DNAH9: variants seen among roughly 807,000 people sequenced by gnomAD.
The protein encoded by DNAH9 is DNAH9 variant protein.
DNAH9 carries 345 observed loss-of-function variants against 471.6 expected under a neutral mutation model. The ratio of observed to expected loss-of-function variants is 0.73; its 90% CI spans 0.67 to 0.80. The LOEUF (loss-of-function observed/expected upper bound fraction) is 0.80. Ranked by LOEUF, DNAH9 falls within the 30% of genes least tolerant of loss-of-function variation. The pLI is 0.00. For missense variants in DNAH9, 5,407 were observed against 5,609.2 expected, an observed-to-expected ratio of 0.96 and a Z score of 1.15; for synonymous variants, 2,093 against 2,123.6, an observed-to-expected ratio of 0.99 and a Z score of 0.40.
At chr17:11,837,022 T>C (rs1204654783) in intron 49 of DNAH9, among the ~76,000 whole-genome samples, 4 of 152,174 alleles carry the variant, frequency 2.6e-5, no homozygotes, top group African/African-American at 9.6e-5. Context: ...CAAGGATTAG[T>C]GTATGAAAAG....
chr17:11,943,506 G>C (rs143802002), intron 67 of DNAH9, among the ~76,000 whole-genome samples: 3 of 151,934 alleles, frequency 2.0e-5, no homozygotes, highest in Non-Finnish European at 4.4e-5. Context: ...GTGAAACCCC[G>C]TCTCTACTAA....
intron 38 of DNAH9, among the ~76,000 whole-genome samples, chr17:11,772,505 C>G (rs148039765): frequency 0.011 from 1,634 of 152,202 alleles, 27 homozygotes; most frequent in African/African-American, 0.038. Context: ...CTCTCTCACC[C>G]AGGCTGGAGT....
chr17:11,627,729 C>G (rs962952414), intron 6 of DNAH9, among the ~76,000 whole-genome samples: 8 of 152,166 alleles, frequency 5.3e-5, no homozygotes, highest in Non-Finnish European at 8.8e-5. Context: ...CTCTTCTCTC[C>G]CCTCCCACTT....
chr17:11,728,866 G>A (rs2075205548), intron 28 of DNAH9, among the ~76,000 whole-genome samples: 2 of 152,206 alleles, frequency 1.3e-5, no homozygotes, highest in African/African-American at 2.4e-5. Context: ...CATCAGAGGA[G>A]AACTGTATCT....
At position 11,843,863 on chromosome 17, in the gene DNAH9, G is replaced by GTGTGTGTGTGTGTA. The variant is rs1253794533; in HGVS notation, c.9507+8966_9507+8967insGTGTGTGTGTGTAT. ...TGTTTGTGTGTGTGTGTGTGTGTGT[G>GTGTGTGTGTGTGTA]TATATATATATATATATATATATAT... On this transcript the variant is annotated intron_variant, in intron 49 of 68. Coordinates refer to ENST00000262442, the MANE Select transcript of DNAH9 (RefSeq NM_001372.4). Among the ~76,000 whole-genome samples, 299 of 46,468 alleles carry GTGTGTGTGTGTGTA rather than the reference G, an allele frequency of 6.4e-3. 2 individuals are homozygous for GTGTGTGTGTGTGTA. The highest frequency in any genetic ancestry group is 8.9e-3 in the Non-Finnish European group (218 of 24,468). The allele number at this position is 46,468 out of a possible 152,430, so 30.5% of individuals were successfully genotyped here.
rs554429895 is a variant in DNAH9, at chr17:11,927,093, T to G, written c.11878-2773T>G. Among the ~76,000 whole-genome samples, 3 of 151,732 alleles carry G rather than the reference T, an allele frequency of 2.0e-5. No homozygotes were observed. In the South Asian group the frequency reaches 6.2e-4, roughly 31 times the overall value. On this transcript the variant is annotated intron_variant, in intron 62 of 68. Coordinates refer to ENST00000262442, the MANE Select transcript of DNAH9 (RefSeq NM_001372.4). ...TGTCAGTTCATGTTCTTTGCCCATT[T>G]TTTAATGAGGTTGTTTGTTTTTTTG...
At chr17:11,832,096 G>C (rs1269444227) in intron 48 of DNAH9, among the ~76,000 whole-genome samples, 5 of 152,214 alleles carry the variant, frequency 3.3e-5, no homozygotes, top group African/African-American at 1.2e-4. Flanking sequence ...TAAGGGAGAA[G>C]AGAAAGATGT....
At chr17:11,653,507 G>A (rs1461004438) in intron 14 of DNAH9, among the ~76,000 whole-genome samples, 4 of 152,296 alleles carry the variant, frequency 2.6e-5, no homozygotes, top group East Asian at 3.9e-4. Flanking sequence ...TTAGTGGTCA[G>A]GGAAACTTTA....
intron 28 of DNAH9, among the ~76,000 whole-genome samples, chr17:11,731,009 T>C (rs2075254674): frequency 6.6e-6 from 1 of 151,468 alleles, no homozygotes; most frequent in Admixed American, 6.6e-5. Context: ...ATGGTGGTAA[T>C]GATGATGGTG....
chr17:11,926,850 T>C (rs890332868), intron 62 of DNAH9, among the ~76,000 whole-genome samples: 1 of 152,218 alleles, frequency 6.6e-6, no homozygotes, highest in Non-Finnish European at 1.5e-5. Flanking sequence ...TCCACAACGG[T>C]TGAACTAATT....
At chr17:11,862,833 G>A (rs1971909348) in intron 50 of DNAH9, among the ~76,000 whole-genome samples, 1 of 151,748 alleles carries the variant, frequency 6.6e-6, no homozygotes, top group African/African-American at 2.4e-5. Context: ...TCTGTTATTG[G>A]TGTATAAGAA....
intron 61 of DNAH9, among the ~76,000 whole-genome samples, chr17:11,919,062 A>G (rs899889812): frequency 6.6e-5 from 10 of 152,198 alleles, no homozygotes; most frequent in Non-Finnish European, 1.2e-4. Flanking sequence ...AGTGACAGGC[A>G]GGAAGGGAGG....
intron 62 of DNAH9, among the ~76,000 whole-genome samples, chr17:11,926,889 T>C (rs2151032039): frequency 6.6e-6 from 1 of 152,336 alleles, no homozygotes; most frequent in Admixed American, 6.5e-5. Flanking sequence ...ATAAAAGGGT[T>C]CCTTTTTCTC....
intron 62 of DNAH9, among the ~76,000 whole-genome samples, chr17:11,926,643 T>C (rs761545068): frequency 2.9e-4 from 44 of 152,202 alleles, no homozygotes; most frequent in Non-Finnish European, 5.7e-4. Flanking sequence ...ACATTTTCTT[T>C]ATCTAGTCTA....
chr17:11,692,602 G>A (rs973721581), intron 20 of DNAH9, among the ~76,000 whole-genome samples: 1 of 152,094 alleles, frequency 6.6e-6, no homozygotes, highest in Non-Finnish European at 1.5e-5. Flanking sequence ...CCTGGGGCTT[G>A]GGATGGTCTC....
Position 11,617,502 on chromosome 17 carries a change from GCC to G in DNAH9, c.999_1000del (p.Gln334AlafsTer41). The stretch of plus-strand genomic sequence containing the variant: ...AGAATGCAGAATTTCCGGAGGTGAA[GCC>G]CCAGCTGCGGCCCCTGCTCCACGTG... ...LENAEFPEVK[P>X]QLRPLLHVVC... On this transcript the variant is annotated frameshift_variant, in exon 5 of 69. Transcript: ENST00000262442. LOFTEE classifies it high-confidence loss of function. 6.2e-7 allele frequency: 1 copy of G among 1,614,106 alleles called. No homozygotes were observed. Among genetic ancestry groups the G allele is most frequent in the Non-Finnish European group, 8.5e-7 (1 of 1,180,024 alleles).
intron 34 of DNAH9, 72 bp downstream of exon 34, chr17:11,756,748 T>C (rs1967410559): frequency 1.0e-6 from 1 of 963,892 alleles, no homozygotes; most frequent in Non-Finnish European, 1.7e-6. Context: ...ACACGTAGTT[T>C]TGCTGGCTCA....
intron 14 of DNAH9, among the ~76,000 whole-genome samples, chr17:11,657,717 G>A (rs1469001194): frequency 6.6e-6 from 1 of 151,676 alleles, no homozygotes; most frequent in Non-Finnish European, 1.5e-5. Flanking sequence ...ATTAATTTTT[G>A]TTTAGGAGGT....
intron 26 of DNAH9, among the ~76,000 whole-genome samples, chr17:11,717,785 C>T (rs970738941): frequency 8.5e-5 from 13 of 152,148 alleles, no homozygotes; most frequent in African/African-American, 3.1e-4. Flanking sequence ...GCAATAATTT[C>T]CTTCTCTCAC....
Sources: gnomAD v4.1 joint callset for allele counts (sites outside exome capture counted in the v4.1 genomes callset) on GRCh38, gnomAD v4.1.1 for gene constraint, MANE v1.5 for transcripts, NCBI Gene and HGNC (gene_info 2026-07-23, HGNC 2026-07-21) for gene names.